The following CDH12 variants were observed in gnomAD, a reference collection of about 807,000 sequenced individuals.
CDH12 encodes cadherin-12.
In CDH12, 41 loss-of-function variants were observed where a neutral mutation model predicts 74.1. That is an observed-to-expected ratio of 0.55 (90% CI 0.43 to 0.72). CDH12 has a LOEUF of 0.72. Among genes scored for constraint, CDH12 ranks in the 30% least tolerant of loss-of-function variants. The pLI, the probability that CDH12 is intolerant of heterozygous loss-of-function variation, is 0.00. For synonymous variants in CDH12, 399 were observed against 355.0 expected, an observed-to-expected ratio of 1.12 and a Z score of -1.39; for missense variants, 945 against 977.2, an observed-to-expected ratio of 0.97 and a Z score of 0.44.
chr5:22,628,857 T>G (rs1378241668), intron 1 of CDH12, among the ~76,000 whole-genome samples: 1 of 151,362 alleles, frequency 6.6e-6, no homozygotes, highest in Non-Finnish European at 1.5e-5. Flanking sequence ...CTAGCTAGAC[T>G]AATAAAGAAA....
intron 6 of CDH12, among the ~76,000 whole-genome samples, chr5:21,894,726 C>T (rs1047907533): frequency 6.6e-6 from 1 of 151,660 alleles, no homozygotes; most frequent in Non-Finnish European, 1.5e-5. Context: ...TTTTTTTGAC[C>T]AGCATTTAAA....
At chr5:22,028,287 A>G (rs2150169549) in intron 5 of CDH12, among the ~76,000 whole-genome samples, 1 of 152,264 alleles carries the variant, frequency 6.6e-6, no homozygotes, top group African/African-American at 2.4e-5. Context: ...AAGGAAATAA[A>G]GGGTATTCAA....
At chr5:22,831,720 C>T (rs1313453595) in intron 1 of CDH12, among the ~76,000 whole-genome samples, 1 of 151,814 alleles carries the variant, frequency 6.6e-6, no homozygotes, top group Non-Finnish European at 1.5e-5. Flanking sequence ...GATGGTGAAA[C>T]CCCGTCTCGA....
chr5:22,215,185 ACCAATGTTGCG>A (rs1287187801), intron 3 of CDH12, among the ~76,000 whole-genome samples: 3 of 61,138 alleles, frequency 4.9e-5, no homozygotes, highest in Non-Finnish European at 1.2e-4. Context: ...AAGCAAATTT[ACCAATGTTGCG>A]TAGTCAGTAC....
intron 10 of CDH12, among the ~76,000 whole-genome samples, chr5:21,796,420 G>T (rs1746783090): frequency 6.6e-6 from 1 of 151,964 alleles, no homozygotes; most frequent in South Asian, 2.1e-4. Flanking sequence ...TCAAAATATG[G>T]TTTCTACTGA....
Position 22,610,237 on chromosome 5 carries a change from A to C in CDH12, c.-522-104873T>G, listed in dbSNP as rs1035018144. On this transcript the variant is annotated intron_variant, in intron 1 of 14. Transcript: ENST00000382254. ...GCAAAAAGCTACAAGATGGAAGGAGACTAGGTTCTTATATCATGTCTTGGA... is the reference window on the plus strand; with the variant it reads ...GCAAAAAGCTACAAGATGGAAGGAGCCTAGGTTCTTATATCATGTCTTGGA... Among the ~76,000 whole-genome samples, 3 of 152,178 alleles carry C rather than the reference A, an allele frequency of 2.0e-5. 1 individual carries two copies. The highest frequency in any genetic ancestry group is 2.0e-4 in the Admixed American group (3 of 15,272).
At chr5:21,978,707 G>C (rs575142947) in intron 5 of CDH12, among the ~76,000 whole-genome samples, 24 of 152,066 alleles carry the variant, frequency 1.6e-4, no homozygotes, top group African/African-American at 5.1e-4. Flanking sequence ...GATCCAATGG[G>C]CACTCTGTAT....
chr5:21,803,381 C>T (rs979365608), intron 9 of CDH12, among the ~76,000 whole-genome samples: 3 of 151,766 alleles, frequency 2.0e-5, no homozygotes, highest in South Asian at 2.1e-4. Flanking sequence ...ATTATGGGCG[C>T]GGTAACACAT....
At chr5:22,563,076 T>TTATA (rs536093698) in intron 1 of CDH12, among the ~76,000 whole-genome samples, 209 of 147,200 alleles carry the variant, frequency 1.4e-3, no homozygotes, top group African/African-American at 5.1e-3. Flanking sequence ...ATTTATATAT[T>TTATA]TATATATATA....
intron 1 of CDH12, among the ~76,000 whole-genome samples, chr5:22,751,870 A>T (rs1745593620): frequency 6.6e-6 from 1 of 152,230 alleles, no homozygotes; most frequent in South Asian, 2.1e-4. Context: ...GAATATAAAC[A>T]TTATATAACC....
intron 4 of CDH12, among the ~76,000 whole-genome samples, chr5:22,104,115 G>T (rs1000478926): frequency 1.3e-5 from 2 of 152,180 alleles, no homozygotes. Context: ...TTTATAGATT[G>T]AGAAGCTAAT....
intron 14 of CDH12, among the ~76,000 whole-genome samples, chr5:21,754,156 T>C (rs1297854224): frequency 6.6e-6 from 1 of 152,198 alleles, no homozygotes; most frequent in Non-Finnish European, 1.5e-5. Context: ...AAGGTTGTGA[T>C]GGCCTTTGTG....
chr5:22,263,414 C>T (rs887443979), intron 3 of CDH12, among the ~76,000 whole-genome samples: 5 of 151,998 alleles, frequency 3.3e-5, no homozygotes, highest in African/African-American at 4.8e-5. Flanking sequence ...TAATATCATT[C>T]TGGAGAATGC....
intron 1 of CDH12, among the ~76,000 whole-genome samples, chr5:22,776,392 C>A (rs1326308064): frequency 6.6e-6 from 1 of 152,116 alleles, no homozygotes; most frequent in African/African-American, 2.4e-5. Flanking sequence ...TGATCCCTGT[C>A]CGTCCTTGAG....
chr5:22,098,134 CTT>C (rs571009296), intron 4 of CDH12, among the ~76,000 whole-genome samples: 240 of 152,280 alleles, frequency 1.6e-3, no homozygotes, highest in Non-Finnish European at 2.9e-3. Flanking sequence ...CCCAGCCTCT[CTT>C]TGCTTTCACT....
At chr5:22,708,677 A>C (rs1307390058) in intron 1 of CDH12, among the ~76,000 whole-genome samples, 2 of 152,144 alleles carry the variant, frequency 1.3e-5, no homozygotes, top group Non-Finnish European at 2.9e-5. Flanking sequence ...GCTGGATTTG[A>C]TAATGTAATC....
intron 1 of CDH12, among the ~76,000 whole-genome samples, chr5:22,650,143 T>C (rs997517764): frequency 6.6e-6 from 1 of 151,992 alleles, no homozygotes; most frequent in East Asian, 1.9e-4. Flanking sequence ...CATATGCCTA[T>C]ATAACAAAAT....
chr5:22,833,058 G>T (rs192305892), intron 1 of CDH12, among the ~76,000 whole-genome samples: 12 of 152,228 alleles, frequency 7.9e-5, no homozygotes, highest in Middle Eastern at 3.4e-3. Context: ...AGTTTTGCAT[G>T]CCTAACTTTT....
At chr5:22,729,384 C>A (rs990804980) in intron 1 of CDH12, among the ~76,000 whole-genome samples, 2 of 151,842 alleles carry the variant, frequency 1.3e-5, no homozygotes, top group African/African-American at 4.8e-5. Context: ...TCAGCTTCTG[C>A]TTTTAAGGGC....
Sources: allele counts gnomAD v4.1 joint callset (sites outside exome capture counted in the v4.1 genomes callset), GRCh38; gene constraint gnomAD v4.1.1; transcripts MANE v1.5; gene names NCBI Gene and HGNC (gene_info 2026-07-23, HGNC 2026-07-21).